Variants in GLIS3 observed in about 807,000 individuals in gnomAD.
GLIS3 encodes GLIS family zinc finger 3.
Under a neutral mutation model 78.6 loss-of-function variants are expected in GLIS3, and 53 were observed. That is an observed-to-expected ratio of 0.67 (90% CI 0.54 to 0.85). The LOEUF is 0.85. GLIS3 is among the 40% of genes least tolerant of loss of function. The pLI is 0.00. For missense variants in GLIS3, 1,703 were observed against 1,231.1 expected (o/e 1.38, Z -5.74); for synonymous variants, 684 against 509.9 (o/e 1.34, Z -4.60).
At chr9:4,403,068 G>T in the GLIS3 span, among the ~76,000 whole-genome samples, 2 of 152,106 alleles carry the variant, frequency 1.3e-5, no homozygotes, top group African/African-American at 4.8e-5. Flanking sequence ...CCTAAAAGCA[G>T]CAAGAGAAAA....
intron 2 of GLIS3, among the ~76,000 whole-genome samples, chr9:4,331,217 C>A (rs1817680147): frequency 6.6e-6 from 1 of 152,196 alleles, no homozygotes; most frequent in African/African-American, 2.4e-5. Context: ...CTAAAGGTCA[C>A]AGGCACTCCT....
chr9:4,197,024 C>T (rs573230938), intron 2 of GLIS3, among the ~76,000 whole-genome samples: 22 of 152,232 alleles, frequency 1.4e-4, no homozygotes, highest in South Asian at 4.2e-4. Flanking sequence ...GGACATAGAT[C>T]GTGGTGCAGT....
At chr9:4,272,310 A>T (rs753488975) in intron 2 of GLIS3, among the ~76,000 whole-genome samples, 6 of 152,166 alleles carry the variant, frequency 3.9e-5, no homozygotes, top group Admixed American at 2.0e-4. Context: ...ACACCACCAC[A>T]CATAGTAGAA....
intron 2 of GLIS3, among the ~76,000 whole-genome samples, chr9:4,147,030 C>CT (rs1445716464): frequency 6.6e-6 from 1 of 152,182 alleles, no homozygotes; most frequent in Non-Finnish European, 1.5e-5. Context: ...CTCTAATTTT[C>CT]TAGCCACCCT....
chr9:4,267,842 C>A (rs746339219), intron 2 of GLIS3, among the ~76,000 whole-genome samples: 2 of 152,030 alleles, frequency 1.3e-5, no homozygotes, highest in Middle Eastern at 3.2e-3. Flanking sequence ...CTCCTAATTC[C>A]CAAGACAACG....
At chr9:3,972,102 T>G (rs73388203) in intron 4 of GLIS3, among the ~76,000 whole-genome samples, 1 of 152,196 alleles carries the variant, frequency 6.6e-6, no homozygotes, top group South Asian at 2.1e-4. Context: ...TAGATCAGAA[T>G]GCCATATAAA....
At chr9:3,970,908 T>C (rs911931960) in intron 4 of GLIS3, among the ~76,000 whole-genome samples, 4 of 151,838 alleles carry the variant, frequency 2.6e-5, no homozygotes, top group African/African-American at 7.3e-5. Context: ...TATATGACTT[T>C]AGTATTCTGA....
At chr9:4,006,669 C>G (rs1345265423) in intron 4 of GLIS3, among the ~76,000 whole-genome samples, 1 of 152,124 alleles carries the variant, frequency 6.6e-6, no homozygotes, top group African/African-American at 2.4e-5. Context: ...GTTTAGGGGT[C>G]TTAAAGACTT....
At chr9:4,232,811 G>A (rs562932062) in intron 2 of GLIS3, among the ~76,000 whole-genome samples, 1 of 152,044 alleles carries the variant, frequency 6.6e-6, no homozygotes, top group Non-Finnish European at 1.5e-5. Context: ...CCAACCACTA[G>A]TCATATTTAA....
chr9:4,153,381 T>C (rs996442756), intron 2 of GLIS3, among the ~76,000 whole-genome samples: 2 of 152,120 alleles, frequency 1.3e-5, no homozygotes, highest in African/African-American at 4.8e-5. Context: ...CTGGTCAACA[T>C]GTTGAAACCC....
At chr9:4,337,263 G>A (rs766105920) in intron 2 of GLIS3, among the ~76,000 whole-genome samples, 4 of 152,152 alleles carry the variant, frequency 2.6e-5, no homozygotes, top group African/African-American at 4.8e-5. Context: ...TATCTACAAA[G>A]ACCTTCACCA....
intron 2 of GLIS3, among the ~76,000 whole-genome samples, chr9:4,154,904 A>G (rs1834939509): frequency 6.6e-6 from 1 of 152,220 alleles, no homozygotes. Context: ...TAAACAAATT[A>G]TAGTACACTT....
chr9:4,300,208 TCACACACACACACACACACACA>T (rs35733770), upstream of GLIS3, among the ~76,000 whole-genome samples: 2 of 142,952 alleles, frequency 1.4e-5, no homozygotes, highest in African/African-American at 2.7e-5. Context: ...CTTGACGCAT[TCACACACACACACACACACACA>T]CACACACACA....
intron 4 of GLIS3, among the ~76,000 whole-genome samples, chr9:4,018,684 C>T (rs555981730): frequency 1.1e-4 from 17 of 152,174 alleles, no homozygotes; most frequent in African/African-American, 2.7e-4. Flanking sequence ...ATATGATAGT[C>T]CCTTAGGAAC....
intron 2 of GLIS3, among the ~76,000 whole-genome samples, chr9:4,342,800 A>T (rs1200913958): frequency 2.6e-5 from 4 of 152,110 alleles, no homozygotes; most frequent in Non-Finnish European, 4.4e-5. Flanking sequence ...CACTGTAGAG[A>T]TCTTTTACCT....
chr9:4,228,787 G>C (rs1822003055), intron 2 of GLIS3, among the ~76,000 whole-genome samples: 1 of 152,142 alleles, frequency 6.6e-6, no homozygotes, highest in Non-Finnish European at 1.5e-5. Context: ...GAAATTGCTG[G>C]TGCCACCTAT....
chr9:4,436,554 C>T, the GLIS3 span, among the ~76,000 whole-genome samples: 2 of 152,054 alleles, frequency 1.3e-5, no homozygotes, highest in Non-Finnish European at 2.9e-5. Context: ...CCTGTAATCC[C>T]AGCACTTTGG....
Position 4,228,099 on chromosome 9 carries a change from C to A in GLIS3, c.388+57939G>T, listed in dbSNP as rs538586993. On this transcript the variant is annotated intron_variant, in intron 2 of 10. Transcript: ENST00000381971. ...GGGGCCAGGAGAATCACACAGTTAT[C>A]AAGTGATCAGGGCCTTGTTGTCAGG... Among the ~76,000 whole-genome samples the A allele has an allele frequency of 5.9e-4, 87 of 146,806 alleles. 1 individual carries two copies. Among genetic ancestry groups the A allele is most frequent in the Admixed American group, 2.2e-3 (32 of 14,476 alleles).
At chr9:4,402,167 CA>C in the GLIS3 span, among the ~76,000 whole-genome samples, 5 of 152,184 alleles carry the variant, frequency 3.3e-5, no homozygotes, top group African/African-American at 1.2e-4. Context: ...GTGTTTGCAT[CA>C]CCACACTCCC....
Sources: allele counts gnomAD v4.1 joint callset (sites outside exome capture counted in the v4.1 genomes callset), GRCh38; gene constraint gnomAD v4.1.1; transcripts MANE v1.5; gene names NCBI Gene and HGNC (gene_info 2026-07-23, HGNC 2026-07-21).